The following SLC25A36 variants were observed in gnomAD, a reference collection of about 807,000 sequenced individuals.
SLC25A36 encodes epididymis secretory sperm binding protein.
A neutral mutation model predicts 35.3 loss-of-function variants in SLC25A36; 24 were observed. That is an observed-to-expected ratio of 0.68 (90% CI 0.49 to 0.96). The LOEUF (loss-of-function observed/expected upper bound fraction) is 0.96, where lower values mean the gene tolerates loss of function less well. SLC25A36 is among the 40% of genes least tolerant of loss of function. The pLI, the probability that SLC25A36 is intolerant of heterozygous loss-of-function variation, is 0.00. For missense variants in SLC25A36, 294 were observed against 381.1 expected (o/e 0.77, Z 1.90); for synonymous variants, 141 against 132.2 (o/e 1.07, Z -0.46).
intron 2 of SLC25A36, among the ~76,000 whole-genome samples, chr3:140,959,156 C>T (rs1243425453): frequency 1.3e-5 from 2 of 151,730 alleles, no homozygotes; most frequent in Non-Finnish European, 2.9e-5. Flanking sequence ...GCTGTGATTA[C>T]AGGCATGCAC....
Position 140,956,522 on chromosome 3 carries a change from T to C in SLC25A36, c.42-5T>C. The C allele has an allele frequency of 6.5e-7, 1 of 1,540,300 alleles. No individual in the cohort carries two copies. Reference sequence around the variant, plus strand: ...AGCTGTGTTCTTTTTTTTTTTTTTTTTTAGATGTGGTGGTACAGTGGGAGC... The same window carrying C: ...AGCTGTGTTCTTTTTTTTTTTTTTTCTTAGATGTGGTGGTACAGTGGGAGC... On this transcript the variant is annotated splice_region_variant and splice_polypyrimidine_tract_variant and intron_variant, in intron 1 of 6. Coordinates refer to ENST00000324194, the MANE Select transcript of SLC25A36 (RefSeq NM_001104647.3).
intron 4 of SLC25A36, chr3:140,966,671 C>T: frequency 9.0e-6 from 3 of 333,068 alleles, no homozygotes; most frequent in South Asian, 4.9e-5. Flanking sequence ...AGCATTTTTT[C>T]TTTAAGGCAG....
chr3:140,952,874 A>G (rs1934365765), intron 1 of SLC25A36, among the ~76,000 whole-genome samples: 1 of 152,236 alleles, frequency 6.6e-6, no homozygotes, highest in Non-Finnish European at 1.5e-5. Flanking sequence ...TTCATATTCA[A>G]GAATACTCTT....
At chr3:140,960,617 A>G (rs1028716087) in intron 3 of SLC25A36, among the ~76,000 whole-genome samples, 9 of 152,216 alleles carry the variant, frequency 5.9e-5, no homozygotes, top group Admixed American at 3.9e-4. Context: ...GGCCTTTACC[A>G]TAATAAAAAG....
chr3:140,956,768 T>C, intron 2 of SLC25A36, 77 bp downstream of exon 2: 3 of 1,456,252 alleles, frequency 2.1e-6, no homozygotes, highest in Non-Finnish European at 2.7e-6. Flanking sequence ...ACTTATATTC[T>C]GCCACATTGA....
chr3:140,970,065 A>G (rs1328573629), intron 4 of SLC25A36, among the ~76,000 whole-genome samples: 1 of 151,952 alleles, frequency 6.6e-6, no homozygotes, highest in Non-Finnish European at 1.5e-5. Context: ...ATTTTTCCAT[A>G]GCTAGGAAGG....
chr3:140,975,971 A>G lies in SLC25A36; in HGVS notation c.743-289A>G, dbSNP rs780008585. 3.3e-5 allele frequency among the ~76,000 whole-genome samples: 5 copies of G among 151,786 alleles called. No individual in the cohort carries two copies. Among genetic ancestry groups the G allele is most frequent in the African/African-American group, 4.8e-5 (2 of 41,302 alleles). On this transcript the variant is annotated intron_variant, in intron 6 of 6. Coordinates refer to ENST00000324194, the MANE Select transcript of SLC25A36 (RefSeq NM_001104647.3). Reference sequence around the variant, plus strand: ...TCACCTTTTCCTCCTTCTCATTTCTATTCTTCCTTTTATCTGTTTATCTAG... The same window carrying G: ...TCACCTTTTCCTCCTTCTCATTTCTGTTCTTCCTTTTATCTGTTTATCTAG...
At position 140,978,816 on chromosome 3, in the gene SLC25A36, A is replaced by C. The variant is rs1157653509; in HGVS notation, c.*2363A>C. ...TTATGTATGACAGAGATAATTCAAA[A>C]AGGAAAACTATATATAAAAGTTGTA... On this transcript the variant is annotated 3_prime_UTR_variant, in exon 7 of 7. Transcript: ENST00000324194. The C allele has an allele frequency of 6.6e-6, 1 of 152,208 alleles. No individual in the cohort carries two copies. Among genetic ancestry groups the C allele is most frequent in the African/African-American group, 2.4e-5 (1 of 41,456 alleles). The allele number at this position is 152,208 out of a possible 1,614,324, so 9.4% of individuals were successfully genotyped here.
intron 1 of SLC25A36, 138 bp downstream of exon 1, chr3:140,942,233 C>A: frequency 2.4e-6 from 1 of 425,002 alleles, no homozygotes; most frequent in Non-Finnish European, 3.8e-6. Context: ...CTGCCACGGG[C>A]CTGCGGGTGA....
rs1458860509 is a variant in SLC25A36 at position 140,980,702 on chromosome 3, C to G, written c.*4249C>G. ...AATTAAATGTTCCCCCTGCCCCCCC[C>G]CCCTTTTAATATATATACACGGAGC... On this transcript the variant is annotated 3_prime_UTR_variant, in exon 7 of 7. Coordinates refer to ENST00000324194, the MANE Select transcript of SLC25A36 (RefSeq NM_001104647.3). Among the ~76,000 whole-genome samples, 1 of 51,280 alleles carries G rather than the reference C, an allele frequency of 2.0e-5. No individual in the cohort carries two copies. 33.6% of individuals were successfully genotyped at this position (51,280 alleles called of 152,430 possible).
intron 4 of SLC25A36, chr3:140,964,783 A>G (rs1361820011): frequency 6.6e-6 from 1 of 151,926 alleles, no homozygotes. Context: ...TATTTGTTAT[A>G]TCAGTATAGC....
Position 140,979,268 on chromosome 3 carries a change from T to C in SLC25A36, c.*2815T>C, listed in dbSNP as rs138766419. On this transcript the variant is annotated 3_prime_UTR_variant, in exon 7 of 7. Coordinates refer to ENST00000324194, the MANE Select transcript of SLC25A36 (RefSeq NM_001104647.3). Reference sequence around the variant, plus strand: ...AGAGTTTGGGTTGGTAAAAATAATGTTTGCTCTATTACTGGGTTACAGACA... The same window carrying C: ...AGAGTTTGGGTTGGTAAAAATAATGCTTGCTCTATTACTGGGTTACAGACA... 1 of 152,190 alleles carries C rather than the reference T, an allele frequency of 6.6e-6. No individual in the cohort carries two copies. The highest frequency in any genetic ancestry group is 2.4e-5 in the African/African-American group (1 of 41,470). 9.4% of individuals were successfully genotyped at this position (152,190 alleles called of 1,614,324 possible). A position where few individuals can be genotyped will look rare whatever the true frequency, so the allele number is the denominator to read the frequency against.
intron 6 of SLC25A36, 114 bp from the exon 7 acceptor site, chr3:140,976,146 A>T: frequency 5.7e-6 from 4 of 704,552 alleles, no homozygotes; most frequent in Non-Finnish European, 9.1e-6. Context: ...ATTAGAAGCC[A>T]TCCTTTTTTA....
chr3:140,976,254 A>G lies in SLC25A36; in HGVS notation c.743-6A>G. On this transcript the variant is annotated splice_polypyrimidine_tract_variant and splice_region_variant and intron_variant, in intron 6 of 6. Coordinates refer to ENST00000324194, the MANE Select transcript of SLC25A36 (RefSeq NM_001104647.3). The stretch of plus-strand genomic sequence containing the variant: ...TAATGTTTAATTTTATTTCTTTCCT[A>G]CACAGAAGTTGTAAGAACAAGACTA... The G allele has an allele frequency of 6.4e-7, 1 of 1,571,144 alleles. No individual in the cohort carries two copies. Among genetic ancestry groups the G allele is most frequent in the Non-Finnish European group, 8.7e-7 (1 of 1,151,984 alleles).
At chr3:140,959,332 A>G in intron 2 of SLC25A36, 131 bp from the exon 3 acceptor site, 2 of 573,290 alleles carry the variant, frequency 3.5e-6, no homozygotes, top group South Asian at 5.6e-5. Context: ...TTTAATAAGT[A>G]AGGAAAACTC....
chr3:140,961,200 A>G (rs1239579312), intron 3 of SLC25A36, among the ~76,000 whole-genome samples: 1 of 152,058 alleles, frequency 6.6e-6, no homozygotes, highest in Non-Finnish European at 1.5e-5. Flanking sequence ...GAAAAAAAAC[A>G]CCATTAATAG....
chr3:140,945,971 G>C (rs1461540029), intron 1 of SLC25A36, among the ~76,000 whole-genome samples: 2 of 152,074 alleles, frequency 1.3e-5, no homozygotes, highest in East Asian at 3.8e-4. Flanking sequence ...AAGTCATTCA[G>C]ATTTTAAAAT....
chr3:140,968,472 T>A, intron 4 of SLC25A36: 1 of 983,696 alleles, frequency 1.0e-6, no homozygotes, highest in Non-Finnish European at 1.2e-6. Flanking sequence ...TAAATTTTAA[T>A]GTGTCCTGTT....
In SLC25A36 at chr3:140,970,181, A is replaced by G. The variant is rs185408715; in HGVS notation, c.386-746A>G. Among the ~76,000 whole-genome samples the G allele has an allele frequency of 9.2e-5, 14 of 152,018 alleles. 1 individual carries two copies. In the East Asian group the frequency reaches 2.7e-3, roughly 29 times the overall value. On this transcript the variant is annotated intron_variant, in intron 4 of 6. Transcript: ENST00000324194. ...TAGGTGACCACCATTCTGCACCAAT[A>G]CCTAGTACATAATACTTTAGTTTTA...
Sources: allele counts gnomAD v4.1 joint callset (sites outside exome capture counted in the v4.1 genomes callset), GRCh38; gene constraint gnomAD v4.1.1; transcripts MANE v1.5; gene names NCBI Gene and HGNC (gene_info 2026-07-23, HGNC 2026-07-21).